The following AIFM3 variants were observed in gnomAD, a reference collection of about 807,000 sequenced individuals.
AIFM3 encodes apoptosis-inducing factor 3.
A neutral mutation model predicts 82.7 loss-of-function variants in AIFM3; 71 were observed. The observed-to-expected ratio is 0.86, with a 90% CI of 0.71 to 1.05. The LOEUF is 1.05. Ranked by LOEUF, AIFM3 falls within the 50% of genes least tolerant of loss-of-function variation. The probability of loss-of-function intolerance (pLI) is 0.00; values close to 1 mark genes in which losing one functional copy is unlikely to be tolerated. For synonymous variants in AIFM3, 337 were observed against 329.1 expected (o/e 1.02, Z -0.26); for missense variants, 748 against 816.7 (o/e 0.92, Z 1.03).
chr22:20,974,459 AC>A, intron 6 of AIFM3, 65 bp from the exon 7 acceptor site: 1 of 1,570,672 alleles, frequency 6.4e-7, no homozygotes, highest in Non-Finnish European at 8.7e-7. Flanking sequence ...GAGCGCCAGG[AC>A]CTGCCTGCCA....
In AIFM3 at chr22:20,980,202, G is replaced by A. The variant is rs1358679075; in HGVS notation, c.1757+78G>A. On this transcript the variant is annotated intron_variant, in intron 19 of 20. Transcript: ENST00000440238. ...GCTAAGGTGCCTATGACAGCCAGCC[G>A]CCCCCACAACCCTCCAGGGCCTTTC... 11 of 1,352,752 alleles carry A rather than the reference G, an allele frequency of 8.1e-6. No homozygotes were observed. In the East Asian group the frequency reaches 1.4e-4, roughly 18 times the overall value. The allele number at this position is 1,352,752 out of a possible 1,614,324, so 83.8% of individuals were successfully genotyped here. A position where few individuals can be genotyped will look rare whatever the true frequency, so the allele number is the denominator to read the frequency against.
At chr22:20,978,069 GCCCA>G in intron 16 of AIFM3, 64 bp downstream of exon 16, 21 of 1,499,934 alleles carry the variant, frequency 1.4e-5, no homozygotes, top group Non-Finnish European at 1.9e-5. Context: ...GTGTCCCCAT[GCCCA>G]TGCCTCAGTT....
intron 9 of AIFM3, among the ~76,000 whole-genome samples, 193 bp downstream of exon 9, chr22:20,975,971 G>A (rs931461896): frequency 1.3e-5 from 2 of 152,248 alleles, no homozygotes; most frequent in Non-Finnish European, 2.9e-5. Context: ...AGAGCCCCAC[G>A]GTGTGTGGAG....
chr22:20,974,373 A>G, intron 6 of AIFM3, 77 bp downstream of exon 6: 1 of 1,584,422 alleles, frequency 6.3e-7, no homozygotes, highest in Non-Finnish European at 8.6e-7. Context: ...CCATGTGCAA[A>G]GCCCTGTGGT....
chr22:20,977,353 T>C (rs373794239), intron 14 of AIFM3: 222 of 608,430 alleles, frequency 3.6e-4, no homozygotes, highest in African/African-American at 2.6e-3. Flanking sequence ...AGAGTTGACA[T>C]AGACGAGACT....
rs178264 is a variant in AIFM3 at position 20,973,300 on chromosome 22, C to G, written c.32-7C>G. On this transcript the variant is annotated splice_region_variant and splice_polypyrimidine_tract_variant and intron_variant, in intron 2 of 20. Transcript: ENST00000440238. Reference sequence around the variant, plus strand: ...GTGGGGGGCTCAAGGCGCTGCCTTGCCCACAGTGGAGCTCAAGATCGAGGT... The same window carrying G: ...GTGGGGGGCTCAAGGCGCTGCCTTGGCCACAGTGGAGCTCAAGATCGAGGT... 1 of 1,570,642 alleles carries G rather than the reference C, an allele frequency of 6.4e-7. No homozygotes were observed. The highest frequency in any genetic ancestry group is 1.2e-5 in the South Asian group (1 of 85,964).
intron 2 of AIFM3, 105 bp downstream of exon 2, chr22:20,968,080 T>A: frequency 8.5e-7 from 1 of 1,183,088 alleles, no homozygotes; most frequent in Non-Finnish European, 1.2e-6. Context: ...CCGAAGTAGG[T>A]CAGGCTATCC....
At chr22:20,979,433 G>T in intron 17 of AIFM3, 64 bp downstream of exon 17, 1 of 1,481,206 alleles carries the variant, frequency 6.8e-7, no homozygotes, top group South Asian at 1.2e-5. Flanking sequence ...TTGGGTGTGG[G>T]GCGGGGCTGG....
Position 20,974,621 on chromosome 22 carries a change from G to A in AIFM3, c.607G>A (p.Gly203Ser), listed in dbSNP as rs151146728. 4.3e-6 allele frequency: 7 copies of A among 1,613,542 alleles called. No homozygotes were observed. The African/African-American group carries it at 6.7e-5, about 15-fold the overall frequency. Reference sequence around the variant, plus strand: ...CACCAATGTGCTCATTGTGGGTGCAGGTTGGTAGTGGGGTCATGAGGGGCA... The same window carrying A: ...CACCAATGTGCTCATTGTGGGTGCAAGTTGGTAGTGGGGTCATGAGGGGCA... ...SSTNVLIVGA[G>S]AAGLVCAETL... The change falls in exon 7 of 21, where the codon GGT (glycine) becomes AGT (serine). Residue 203 changes from glycine (G) to serine (S), a missense_variant and splice_region_variant. Gly to Ser is a moderately conservative substitution (Grantham distance 56). This residue lies in a region of AIFM3 where 393 missense variants were observed against 481.1 expected (regional missense o/e 0.82). Coordinates refer to ENST00000440238, the MANE Select transcript of AIFM3 (RefSeq NM_001386814.1).
upstream of AIFM3, chr22:20,965,202 GC>G (rs1298873092): frequency 6.8e-6 from 1 of 147,552 alleles, no homozygotes; most frequent in African/African-American, 2.5e-5. Context: ...CCCGCGCCGA[GC>G]CCAGGTGAGC....
At chr22:20,974,434 G>C (rs1207629187) in intron 6 of AIFM3, 91 bp from the exon 7 acceptor site, 20 of 1,560,178 alleles carry the variant, frequency 1.3e-5, no homozygotes, top group Non-Finnish European at 1.7e-5. Flanking sequence ...TTGCGGTAGG[G>C]ATGAGGCTGG....
chr22:20,970,848 C>G (rs904762411), intron 2 of AIFM3, among the ~76,000 whole-genome samples: 8 of 152,360 alleles, frequency 5.3e-5, no homozygotes, highest in African/African-American at 1.9e-4. Context: ...AGCGATCCTC[C>G]TGCCTTGGCC....
chr22:20,979,648 A>G lies in AIFM3; in HGVS notation c.1598A>G (p.Asp533Gly). 6.2e-7 allele frequency: 1 copy of G among 1,614,200 alleles called. No homozygotes were observed. Among genetic ancestry groups the G allele is most frequent in the South Asian group, 1.1e-5 (1 of 91,090 alleles). ...ACAGGCTACGGAGAAGGCTTCGACG[A>G]CGTCATCATCCAGGGGGATCTGGAG... ...RYAGYGEGFD[D>G]VIIQGDLEEL... is the part of the protein sequence containing the mutation. The change falls in exon 18 of 21, where the codon GAC (aspartate) becomes GGC (glycine). Residue 533 changes from aspartate to glycine, a missense_variant. Coordinates refer to ENST00000440238, the MANE Select transcript of AIFM3 (RefSeq NM_001386814.1).
chr22:20,978,070 C>T, intron 16 of AIFM3, 65 bp downstream of exon 16: 1 of 1,488,618 alleles, frequency 6.7e-7, no homozygotes, highest in Non-Finnish European at 9.4e-7. Context: ...TGTCCCCATG[C>T]CCATGCCTCA....
chr22:20,976,340 A>G, intron 10 of AIFM3, 34 bp downstream of exon 10: 1 of 1,613,712 alleles, frequency 6.2e-7, no homozygotes, highest in African/African-American at 1.3e-5. Context: ...ATCGGACACT[A>G]GGCAGGGCAC....
Position 20,976,650 on chromosome 22 carries a change from G to T in AIFM3, c.1031-1G>T. 1 of 1,611,000 alleles carries T rather than the reference G, an allele frequency of 6.2e-7. No homozygotes were observed. The highest frequency in any genetic ancestry group is 2.2e-5 in the East Asian group (1 of 44,658). The stretch of plus-strand genomic sequence containing the variant: ...GCCTGCCACCCCCTGCCCATCACCA[G>T]GGATGGAGGTGGCCGCTTACCTGAC... On this transcript the variant is annotated splice_acceptor_variant, in intron 11 of 20. Transcript: ENST00000440238. LOFTEE classifies it high-confidence loss of function.
rs958044545 is a variant in AIFM3, at chr22:20,973,320, C to T, written c.45C>T (p.Ile15=). ...CCTTGCCCACAGTGGAGCTCAAGAT[C>T]GAGGTGGTGCTGCCTGAGAAGGAGC... ...FSKPKPVELK[I]EVVLPEKERG... The change falls in exon 3 of 21, where the codon ATC becomes ATT. Residue 15 remains isoleucine, a synonymous_variant. Transcript: ENST00000440238. 1.1e-5 allele frequency: 18 copies of T among 1,589,582 alleles called. No homozygotes were observed. The highest frequency in any genetic ancestry group is 2.3e-5 in the East Asian group (1 of 43,492).
rs756615074 is a variant in AIFM3, at chr22:20,974,722, G to A, written c.626G>A (p.Cys209Tyr). 6.2e-7 allele frequency: 1 copy of A among 1,613,962 alleles called. No individual in the cohort carries two copies. The highest frequency in any genetic ancestry group is 1.3e-5 in the African/African-American group (1 of 74,908). ...IVGAGAAGLV[C>Y]AETLRQEGFS... ...CCCTCAGGTGCAGCTGGCCTGGTGTGTGCAGAGACACTGCGGCAGGAGGGC... is the reference window on the plus strand; with the variant it reads ...CCCTCAGGTGCAGCTGGCCTGGTGTATGCAGAGACACTGCGGCAGGAGGGC... Residue 209 changes from cysteine to tyrosine, a missense_variant, in exon 8 of 21, where the codon TGT (cysteine) becomes TAT (tyrosine). Cys to Tyr is a radical substitution (Grantham distance 194, BLOSUM62 -2). Transcript: ENST00000440238.
chr22:20,975,845 C>T (rs1385742732), intron 9 of AIFM3, 67 bp downstream of exon 9: 13 of 1,560,038 alleles, frequency 8.3e-6, no homozygotes, highest in Admixed American at 1.7e-5. Context: ...TGTGTGGGCC[C>T]CTGGGGTGGG....
Sources: allele counts gnomAD v4.1 joint callset (sites outside exome capture counted in the v4.1 genomes callset), GRCh38; gene constraint gnomAD v4.1.1; regional missense constraint gnomAD v4.1.1; transcripts MANE v1.5; gene names NCBI Gene and HGNC (gene_info 2026-07-23, HGNC 2026-07-21).